The following PTPRD variants were observed in gnomAD, a reference collection of about 807,000 sequenced individuals.
The protein encoded by PTPRD is receptor-type tyrosine-protein phosphatase delta.
PTPRD carries 34 observed loss-of-function variants against 214.5 expected under a neutral mutation model. That is an observed-to-expected ratio of 0.16 (90% confidence interval 0.12 to 0.21). The LOEUF (loss-of-function observed/expected upper bound fraction) is 0.21. Ranked by LOEUF, PTPRD falls within the 10% of genes least tolerant of loss-of-function variation. PTPRD has a pLI of 1.00. For synonymous variants in PTPRD, 1,128 were observed against 845.7 expected (o/e 1.33, Z -5.79); for missense variants, 2,545 against 2,398.7 (o/e 1.06, Z -1.27).
chr9:10,465,043 G>T (rs1042118237), intron 2 of PTPRD, among the ~76,000 whole-genome samples: 3 of 151,984 alleles, frequency 2.0e-5, no homozygotes, highest in African/African-American at 7.2e-5. Context: ...AAAAGACAGA[G>T]CAAATAAAAA....
chr9:9,967,983 G>A (rs1444225371), intron 4 of PTPRD, among the ~76,000 whole-genome samples: 2 of 152,092 alleles, frequency 1.3e-5, no homozygotes, highest in South Asian at 2.1e-4. Context: ...CCACATTAGA[G>A]AAGCTTTTGT....
intron 8 of PTPRD, among the ~76,000 whole-genome samples, chr9:9,535,522 G>C (rs1028084623): frequency 6.6e-6 from 1 of 152,086 alleles, no homozygotes; most frequent in Admixed American, 6.6e-5. Context: ...CTATCCCAGA[G>C]GGGAGGGAGC....
chr9:9,072,240 A>G (rs900838029), intron 10 of PTPRD, among the ~76,000 whole-genome samples: 5 of 151,772 alleles, frequency 3.3e-5, no homozygotes, highest in Non-Finnish European at 5.9e-5. Flanking sequence ...AGAATCTCAG[A>G]AAGAAAAGAG....
At chr9:8,714,668 C>A (rs1355248609) in intron 12 of PTPRD, among the ~76,000 whole-genome samples, 1 of 152,098 alleles carries the variant, frequency 6.6e-6, no homozygotes, top group South Asian at 2.1e-4. Flanking sequence ...TACTCCTCCC[C>A]ATGGCTAACT....
At chr9:8,557,522 C>G (rs1303146466) in intron 14 of PTPRD, among the ~76,000 whole-genome samples, 1 of 148,400 alleles carries the variant, frequency 6.7e-6, no homozygotes, top group Non-Finnish European at 1.5e-5. Context: ...GTGGGCGGAT[C>G]ACCTGAGGTC....
At chr9:8,330,896 A>ATAT (rs1366565614) in intron 44 of PTPRD, among the ~76,000 whole-genome samples, 1 of 150,306 alleles carries the variant, frequency 6.7e-6, no homozygotes, top group African/African-American at 2.5e-5. Flanking sequence ...ACCCTAAAAT[A>ATAT]TATTAGTTTA....
chr9:8,509,313 A>C (rs2097620070), intron 21 of PTPRD, among the ~76,000 whole-genome samples: 1 of 152,220 alleles, frequency 6.6e-6, no homozygotes, highest in African/African-American at 2.4e-5. Context: ...GAGTGACCAG[A>C]TAGATGGGAA....
intron 5 of PTPRD, among the ~76,000 whole-genome samples, chr9:9,783,324 T>G (rs1209950970): frequency 6.6e-6 from 1 of 152,144 alleles, no homozygotes; most frequent in Non-Finnish European, 1.5e-5. Context: ...CTTTCTTGCA[T>G]GAAATATCTG....
At chr9:9,364,660 G>C (rs1295403034) in intron 9 of PTPRD, among the ~76,000 whole-genome samples, 1 of 151,368 alleles carries the variant, frequency 6.6e-6, no homozygotes, top group Non-Finnish European at 1.5e-5. Context: ...GCAATGGAGG[G>C]AGAAAGGAAA....
intron 9 of PTPRD, among the ~76,000 whole-genome samples, chr9:9,241,791 T>C (rs1019260063): frequency 6.6e-6 from 1 of 151,874 alleles, no homozygotes; most frequent in Non-Finnish European, 1.5e-5. Context: ...GTCTTGACTC[T>C]TTATCCAATT....
chr9:9,014,965 T>A (rs1488180411), intron 11 of PTPRD, among the ~76,000 whole-genome samples: 1 of 152,164 alleles, frequency 6.6e-6, no homozygotes, highest in East Asian at 1.9e-4. Context: ...TGTGTAGGTA[T>A]GTCTGTGTAC....
intron 5 of PTPRD, among the ~76,000 whole-genome samples, chr9:9,827,071 A>G (rs1415510180): frequency 6.6e-6 from 1 of 152,154 alleles, no homozygotes; most frequent in East Asian, 1.9e-4. Flanking sequence ...GAAAATGGCC[A>G]TACTGCCCAA....
chr9:8,708,624 A>G (rs938340670), intron 12 of PTPRD, among the ~76,000 whole-genome samples: 1 of 141,550 alleles, frequency 7.1e-6, no homozygotes, highest in African/African-American at 2.6e-5. Flanking sequence ...AGTTGCAGTG[A>G]GCCCAGATCG....
intron 18 of PTPRD, 51 bp downstream of exon 18, chr9:8,524,874 C>A (rs372905778): frequency 1.1e-5 from 17 of 1,507,726 alleles, no homozygotes; most frequent in Non-Finnish European, 1.5e-5. Flanking sequence ...GGCGTCTCAA[C>A]TCCCCCTGAG....
chr9:9,381,359 CT>C (rs982056156), intron 9 of PTPRD, among the ~76,000 whole-genome samples: 56 of 132,084 alleles, frequency 4.2e-4, no homozygotes, highest in East Asian at 8.3e-4. Context: ...ATCAGTTATG[CT>C]TTTTTTTTTT....
At chr9:8,979,440 T>C (rs1247192081) in intron 11 of PTPRD, among the ~76,000 whole-genome samples, 1 of 151,980 alleles carries the variant, frequency 6.6e-6, no homozygotes, top group African/African-American at 2.4e-5. Context: ...AATCACCAAA[T>C]GAAGTGGTAA....
chr9:9,182,216 G>A (rs1445213), intron 10 of PTPRD, among the ~76,000 whole-genome samples: 81,079 of 151,806 alleles, frequency 0.53, 21,736 homozygotes, highest in South Asian at 0.66. Flanking sequence ...TTTGACTTCA[G>A]TGGTACTGTG....
chr9:9,334,278 G>A (rs969846327), intron 9 of PTPRD, among the ~76,000 whole-genome samples: 4 of 151,784 alleles, frequency 2.6e-5, no homozygotes, highest in South Asian at 2.1e-4. Flanking sequence ...TATAAAATTA[G>A]CCAAAAAACA....
At chr9:8,522,048 C>T (rs1360477336) in intron 19 of PTPRD, among the ~76,000 whole-genome samples, 1 of 152,152 alleles carries the variant, frequency 6.6e-6, no homozygotes, top group Admixed American at 6.5e-5. Context: ...AAAACATCAC[C>T]TAGAGTACAC....
Sources: gnomAD v4.1 joint callset for allele counts (sites outside exome capture counted in the v4.1 genomes callset) on GRCh38, gnomAD v4.1.1 for gene constraint, MANE v1.5 for transcripts, NCBI Gene and HGNC (gene_info 2026-07-23, HGNC 2026-07-21) for gene names.